The following PDE7B variants were observed in gnomAD, a reference collection of about 807,000 sequenced individuals.
PDE7B encodes 3',5'-cyclic-AMP phosphodiesterase 7B.
In PDE7B, 29 loss-of-function variants were observed where a neutral mutation model predicts 56.2. The observed-to-expected ratio is 0.52, with a 90% CI of 0.38 to 0.70. The LOEUF is 0.70. Among genes scored for constraint, PDE7B ranks in the 30% least tolerant of loss-of-function variants. PDE7B has a pLI of 0.00. For synonymous variants in PDE7B, 197 were observed against 196.9 expected, an observed-to-expected ratio of 1.00 and a Z score of 0.00; for missense variants, 490 against 565.0, an observed-to-expected ratio of 0.87 and a Z score of 1.35.
Position 135,991,343 on chromosome 6 carries a change from T to C in PDE7B, c.82+43819T>C, listed in dbSNP as rs532276439. ...TGACAGTAATGCATGTGTTGACTAATTAGGTTGATTGGTCCTTCCACAATT... is the reference window on the plus strand; with the variant it reads ...TGACAGTAATGCATGTGTTGACTAACTAGGTTGATTGGTCCTTCCACAATT... On this transcript the variant is annotated intron_variant, in intron 2 of 12. Coordinates refer to ENST00000308191, the MANE Select transcript of PDE7B (RefSeq NM_018945.4). 2.0e-5 allele frequency among the ~76,000 whole-genome samples: 3 copies of C among 152,316 alleles called. No individual in the cohort carries two copies. In the South Asian group the frequency reaches 6.2e-4, roughly 32 times the overall value.
rs1319829525 is a variant in PDE7B at position 135,934,997 on chromosome 6, GTATATATTTATATATAAATAAATATATAA to G, written c.22-12457_22-12429del. ...TCTATATATTTTATATAGAGATGAAGTATATATTTATATATAAATAAATATATAATATATATTTCTCTATATATTTTATA... is the reference window on the plus strand; with the variant it reads ...TCTATATATTTTATATAGAGATGAAGTATATATTTCTCTATATATTTTATA... On this transcript the variant is annotated intron_variant, in intron 1 of 12. Coordinates refer to ENST00000308191, the MANE Select transcript of PDE7B (RefSeq NM_018945.4). Among the ~76,000 whole-genome samples, 5 of 46,244 alleles carry G rather than the reference GTATATATTTATATATAAATAAATATATAA, an allele frequency of 1.1e-4. 1 individual carries two copies. Among genetic ancestry groups the G allele is most frequent in the African/African-American group, 3.6e-4 (5 of 13,730 alleles). The allele number at this position is 46,244 out of a possible 152,430, so 30.3% of individuals were successfully genotyped here. A position where few individuals can be genotyped will look rare whatever the true frequency, so the allele number is the denominator to read the frequency against.
chr6:135,978,810 A>C (rs1386658135), intron 2 of PDE7B, among the ~76,000 whole-genome samples: 2 of 152,232 alleles, frequency 1.3e-5, no homozygotes, highest in Non-Finnish European at 1.5e-5. Context: ...ATATACAATC[A>C]TGTCGTCTGC....
intron 1 of PDE7B, among the ~76,000 whole-genome samples, chr6:135,905,252 G>T (rs1245102053): frequency 6.6e-6 from 1 of 152,062 alleles, no homozygotes; most frequent in African/African-American, 2.4e-5. Flanking sequence ...AAATTGACCT[G>T]AGTTTTATTT....
chr6:136,149,820 G>T (rs1187972255), intron 5 of PDE7B, among the ~76,000 whole-genome samples: 1 of 152,114 alleles, frequency 6.6e-6, no homozygotes, highest in African/African-American at 2.4e-5. Flanking sequence ...GATGTTGATA[G>T]GTCTCTTTTA....
intron 2 of PDE7B, chr6:136,064,491 G>A (rs1776900736): frequency 6.6e-6 from 1 of 152,172 alleles, no homozygotes; most frequent in African/African-American, 2.4e-5. Flanking sequence ...TCTCAAATGT[G>A]GGGCCTTCAT....
intron 1 of PDE7B, among the ~76,000 whole-genome samples, chr6:135,946,415 T>C (rs932411341): frequency 2.0e-5 from 3 of 152,114 alleles, no homozygotes; most frequent in Non-Finnish European, 4.4e-5. Context: ...TCTCTACTTA[T>C]AAATCTAGAA....
intron 1 of PDE7B, among the ~76,000 whole-genome samples, chr6:135,905,356 G>A (rs866986804): frequency 9.8e-5 from 14 of 142,422 alleles, no homozygotes; most frequent in African/African-American, 3.9e-4. Flanking sequence ...GTATGTGTGT[G>A]TGTGTGTGTG....
intron 2 of PDE7B, among the ~76,000 whole-genome samples, chr6:136,023,559 G>A (rs1334764506): frequency 6.6e-6 from 1 of 152,126 alleles, no homozygotes; most frequent in Admixed American, 6.5e-5. Context: ...CATAATGATG[G>A]CTCCCTTCTG....
rs181679153 is a variant in PDE7B at position 135,935,672 on chromosome 6, G to A, written c.22-11792G>A. On this transcript the variant is annotated intron_variant, in intron 1 of 12. Coordinates refer to ENST00000308191, the MANE Select transcript of PDE7B (RefSeq NM_018945.4). ...GAGGTGTCTTTCAAATATTGATCTT[G>A]CCAAAGTCTGTTGTGGAGTTTAGTA... Among the ~76,000 whole-genome samples the A allele has an allele frequency of 4.6e-5, 7 of 152,286 alleles. No homozygotes were observed. The East Asian group carries it at 1.2e-3, about 25-fold the overall frequency.
At chr6:135,951,132 T>G (rs1163699845) in intron 2 of PDE7B, among the ~76,000 whole-genome samples, 1 of 152,204 alleles carries the variant, frequency 6.6e-6, no homozygotes, top group Non-Finnish European at 1.5e-5. Flanking sequence ...AAACACCAAA[T>G]TGTAATATAT....
intron 2 of PDE7B, chr6:136,094,336 C>T (rs1025696658): frequency 7.9e-5 from 12 of 152,666 alleles, no homozygotes; most frequent in African/African-American, 2.9e-4. Flanking sequence ...TCCTTGCCCT[C>T]ATCCCCTCAC....
intron 2 of PDE7B, among the ~76,000 whole-genome samples, chr6:135,983,668 T>TC (rs1775332261): frequency 6.6e-6 from 1 of 152,200 alleles, no homozygotes; most frequent in Admixed American, 6.5e-5. Context: ...TTGAAAATAC[T>TC]CCCCCAGTAT....
At chr6:136,147,020 T>G (rs1404342829) in intron 3 of PDE7B, among the ~76,000 whole-genome samples, 1 of 152,130 alleles carries the variant, frequency 6.6e-6, no homozygotes, top group African/African-American at 2.4e-5. Context: ...CACATGCCTG[T>G]AGTAGCATCT....
chr6:136,049,505 T>C (rs1234249067), intron 2 of PDE7B: 1 of 152,032 alleles, frequency 6.6e-6, no homozygotes, highest in African/African-American at 2.4e-5. Context: ...TATAATGTAG[T>C]GTGTTAAAGT....
At chr6:135,896,422 C>T (rs1412708151) in intron 1 of PDE7B, among the ~76,000 whole-genome samples, 1 of 152,120 alleles carries the variant, frequency 6.6e-6, no homozygotes, top group Non-Finnish European at 1.5e-5. Context: ...CTCTGTAACA[C>T]CTCATAACTT....
intron 2 of PDE7B, among the ~76,000 whole-genome samples, chr6:136,024,770 T>C (rs953497715): frequency 6.6e-6 from 1 of 152,200 alleles, no homozygotes; most frequent in Non-Finnish European, 1.5e-5. Context: ...TTTTGTTTTG[T>C]TGTATTTTGT....
At chr6:136,155,863 A>G in intron 8 of PDE7B, 105 bp downstream of exon 8, 3 of 1,182,534 alleles carry the variant, frequency 2.5e-6, no homozygotes. Flanking sequence ...TTAGGGTCCT[A>G]GAAGTTCAAA....
At chr6:135,922,939 TTCTA>T (rs1397493632) in intron 1 of PDE7B, among the ~76,000 whole-genome samples, 1 of 152,192 alleles carries the variant, frequency 6.6e-6, no homozygotes, top group African/African-American at 2.4e-5. Flanking sequence ...TTTGGCTGTG[TTCTA>T]TCTTTCTGAT....
rs554930042 is a variant in PDE7B at position 136,091,943 on chromosome 6, A to G, written c.83-16788A>G. Among the ~76,000 whole-genome samples, 3 of 152,362 alleles carry G rather than the reference A, an allele frequency of 2.0e-5. No individual in the cohort carries two copies. In the South Asian group the frequency reaches 6.2e-4, roughly 32 times the overall value. On this transcript the variant is annotated intron_variant, in intron 2 of 12. Transcript: ENST00000308191. ...AGAAGACATTATATACTACACATAA[A>G]TCCATTCAACAGTTACAATTATACA... is the stretch of plus-strand genomic sequence containing the variant.
Sources: gnomAD v4.1 joint callset for allele counts (sites outside exome capture counted in the v4.1 genomes callset) on GRCh38, gnomAD v4.1.1 for gene constraint, MANE v1.5 for transcripts, NCBI Gene and HGNC (gene_info 2026-07-23, HGNC 2026-07-21) for gene names.